The following GPAT3 variants were observed in gnomAD, a reference collection of about 807,000 sequenced individuals.
The protein encoded by GPAT3 is glycerol-3-phosphate acyltransferase 3, also known as 1-AGP acyltransferase 9.
Under a neutral mutation model 58.8 loss-of-function variants are expected in GPAT3, and 53 were observed. The ratio of observed to expected loss-of-function variants is 0.90; its 90% CI spans 0.72 to 1.13. The LOEUF is 1.13. Among genes scored for constraint, GPAT3 ranks in the 50% most tolerant of loss-of-function variants. The probability of loss-of-function intolerance (pLI) is 0.00; values close to 1 mark genes in which losing one functional copy is unlikely to be tolerated. For missense variants in GPAT3, 511 were observed against 527.6 expected, an observed-to-expected ratio of 0.97 and a Z score of 0.31; for synonymous variants, 197 against 187.4, an observed-to-expected ratio of 1.05 and a Z score of -0.42.
At chr4:83,573,742 T>A (rs1268293786) in intron 2 of GPAT3, among the ~76,000 whole-genome samples, 1 of 152,170 alleles carries the variant, frequency 6.6e-6, no homozygotes, top group East Asian at 1.9e-4. Context: ...CTACCACCAA[T>A]AATTGGTGCT....
intron 2 of GPAT3, among the ~76,000 whole-genome samples, chr4:83,562,236 A>AATATATATATATTAT: frequency 1.3e-5 from 1 of 74,090 alleles, no homozygotes; most frequent in Non-Finnish European, 2.7e-5. Flanking sequence ...ATATATATAT[A>AATATATATATATTAT]ATATATATAT....
At chr4:83,553,767 C>T (rs1724840640) in intron 2 of GPAT3, among the ~76,000 whole-genome samples, 1 of 151,926 alleles carries the variant, frequency 6.6e-6, no homozygotes, top group African/African-American at 2.4e-5. Context: ...GACATGGCGA[C>T]TCAGGAGTCT....
At chr4:83,603,744 T>G (rs1247588432) in intron 11 of GPAT3, among the ~76,000 whole-genome samples, 1 of 148,812 alleles carries the variant, frequency 6.7e-6, no homozygotes, top group East Asian at 2.0e-4. Context: ...GAGCCAAGAT[T>G]GTGCCATTGC....
chr4:83,569,728 A>G (rs1395083277), intron 2 of GPAT3, among the ~76,000 whole-genome samples: 1 of 152,170 alleles, frequency 6.6e-6, no homozygotes, highest in Admixed American at 6.5e-5. Context: ...ACCACTGCCC[A>G]GGGCATGGTT....
At chr4:83,557,042 A>C (rs889889249) in intron 2 of GPAT3, among the ~76,000 whole-genome samples, 5 of 152,168 alleles carry the variant, frequency 3.3e-5, no homozygotes, top group African/African-American at 7.2e-5. Flanking sequence ...AGTCCCATTC[A>C]TGAGGGCTCC....
chr4:83,549,167 A>G (rs1037569347), intron 2 of GPAT3, among the ~76,000 whole-genome samples: 25 of 55,856 alleles, frequency 4.5e-4, no homozygotes, highest in Non-Finnish European at 7.1e-4. Context: ...GACCCATCTG[A>G]AAAAAAAAAA....
At position 83,571,981 on chromosome 4, in the gene GPAT3, C is replaced by T. The variant is rs2110089495; in HGVS notation, c.209-9581C>T. Among the ~76,000 whole-genome samples, 3 of 152,160 alleles carry T rather than the reference C, an allele frequency of 2.0e-5. No individual in the cohort carries two copies. In the South Asian group the frequency reaches 6.2e-4, roughly 32 times the overall value. ...GAGACGGGGGTTTCACTATGTTGGC[C>T]AGGCTGGTCTCAGACTCCTGACCTC... On this transcript the variant is annotated intron_variant, in intron 2 of 11. Coordinates refer to ENST00000264409, the MANE Select transcript of GPAT3 (RefSeq NM_032717.5).
chr4:83,582,737 T>C (rs1473383224), intron 3 of GPAT3, among the ~76,000 whole-genome samples: 1 of 152,118 alleles, frequency 6.6e-6, no homozygotes, highest in Non-Finnish European at 1.5e-5. Context: ...ATTGCTTAAC[T>C]ACAGGGAAAT....
chr4:83,585,617 T>A (rs1305571174), intron 3 of GPAT3, among the ~76,000 whole-genome samples: 2 of 98,352 alleles, frequency 2.0e-5, no homozygotes, highest in Non-Finnish European at 5.1e-5. Context: ...CGCTGTTTCT[T>A]TTTTTTTTTT....
intron 6 of GPAT3, 127 bp from the exon 7 acceptor site, chr4:83,594,717 TA>T (rs1726745999): frequency 1.4e-6 from 1 of 729,788 alleles, no homozygotes; most frequent in Admixed American, 2.4e-5. Flanking sequence ...TTGATCAGAC[TA>T]AGAACTTCAG....
chr4:83,547,453 C>A lies in GPAT3; in HGVS notation c.208+2851C>A, dbSNP rs182137031. Among the ~76,000 whole-genome samples the A allele has an allele frequency of 8.7e-3, 1,312 of 151,600 alleles. 16 individuals carry two copies. The highest frequency in any genetic ancestry group is 0.014 in the Non-Finnish European group (923 of 67,930). On this transcript the variant is annotated intron_variant, in intron 2 of 11. Transcript: ENST00000264409. The stretch of plus-strand genomic sequence containing the variant: ...ATTTTTAGTAGAGACGGGGTTTCAC[C>A]GTGTTAGCCAGGATGGTCTCGATCT...
chr4:83,548,415 C>G (rs1207159024), intron 2 of GPAT3, among the ~76,000 whole-genome samples: 1 of 152,130 alleles, frequency 6.6e-6, no homozygotes, highest in African/African-American at 2.4e-5. Context: ...TGAATCGGCT[C>G]ATAGCTTTGG....
chr4:83,598,830 A>ATGATCATAGTTCACTGTAGCC, intron 11 of GPAT3, 107 bp downstream of exon 11: 1 of 752,720 alleles, frequency 1.3e-6, no homozygotes, highest in East Asian at 2.9e-5. Context: ...GTGCAGTAGC[A>ATGATCATAGTTCACTGTAGCC]TGATCATAGT....
In GPAT3 at chr4:83,574,880, T is replaced by TG. The variant is rs1205288229; in HGVS notation, c.209-6682_209-6681insG. The stretch of plus-strand genomic sequence containing the variant: ...GAACATTTCTTTCTTTTTTTTTTTT[T>TG]TGTTTTTTTTTTTTTGAGACGGAGT... On this transcript the variant is annotated intron_variant, in intron 2 of 11. Transcript: ENST00000264409. Among the ~76,000 whole-genome samples, 40 of 137,016 alleles carry TG rather than the reference T, an allele frequency of 2.9e-4. 3 individuals carry two copies. The highest frequency in any genetic ancestry group is 1.0e-3 in the African/African-American group (38 of 38,024). The allele number at this position is 137,016 out of a possible 152,430, so 89.9% of individuals were successfully genotyped here.
At chr4:83,535,628 C>A (rs918696123), upstream of GPAT3, 2 of 853,808 alleles carry the variant, frequency 2.3e-6, no homozygotes, top group Admixed American at 6.2e-5. Context: ...TACTTAGCCG[C>A]AGGGTTTCTG....
chr4:83,583,663 G>C lies in GPAT3; in HGVS notation c.479+1831G>C, dbSNP rs529645429. Reference sequence around the variant, plus strand: ...GCCTGGGTGACAGAGCGAGACTCTTGTCTGAAAAAAAAAAAAAAAAAAAAA... The same window carrying C: ...GCCTGGGTGACAGAGCGAGACTCTTCTCTGAAAAAAAAAAAAAAAAAAAAA... On this transcript the variant is annotated intron_variant, in intron 3 of 11. Transcript: ENST00000264409. Among the ~76,000 whole-genome samples, 9 of 68,628 alleles carry C rather than the reference G, an allele frequency of 1.3e-4. No homozygotes were observed. In the East Asian group the frequency reaches 4.3e-3, roughly 33 times the overall value. The allele number at this position is 68,628 out of a possible 152,430, so 45.0% of individuals were successfully genotyped here. A position where few individuals can be genotyped will look rare whatever the true frequency, so the allele number is the denominator to read the frequency against.
intron 6 of GPAT3, 116 bp downstream of exon 6, chr4:83,590,408 C>A: frequency 1.2e-6 from 1 of 825,060 alleles, no homozygotes. Flanking sequence ...CTGCGTTATA[C>A]TATTGTAGCT....
At chr4:83,571,167 A>C (rs982319056) in intron 2 of GPAT3, among the ~76,000 whole-genome samples, 1 of 152,172 alleles carries the variant, frequency 6.6e-6, no homozygotes, top group African/African-American at 2.4e-5. Flanking sequence ...ATTGCTATGG[A>C]GTATTCCTTT....
At chr4:83,592,841 G>A (rs999921106) in intron 6 of GPAT3, among the ~76,000 whole-genome samples, 3 of 152,018 alleles carry the variant, frequency 2.0e-5, no homozygotes, top group South Asian at 4.1e-4. Context: ...TGGGTAAAAT[G>A]TTTGTATTTT....
Sources: gnomAD v4.1 joint callset for allele counts (sites outside exome capture counted in the v4.1 genomes callset) on GRCh38, gnomAD v4.1.1 for gene constraint, MANE v1.5 for transcripts, NCBI Gene and HGNC (gene_info 2026-07-23, HGNC 2026-07-21) for gene names.